The following ZNF165 variants were observed in gnomAD, a reference collection of about 807,000 sequenced individuals.
ZNF165 encodes cancer/testis antigen 53.
A neutral mutation model predicts 19.6 loss-of-function variants in ZNF165; 14 were observed. That is an observed-to-expected ratio of 0.71 (90% confidence interval 0.47 to 1.12). The LOEUF (loss-of-function observed/expected upper bound fraction) is 1.12, where lower values mean the gene tolerates loss of function less well. ZNF165 is among the 50% of genes most tolerant of loss of function. The pLI, the probability that ZNF165 is intolerant of heterozygous loss-of-function variation, is 0.00. For synonymous variants in ZNF165, 165 were observed against 195.0 expected (o/e 0.85, Z 1.28); for missense variants, 504 against 566.3 (o/e 0.89, Z 1.12).
At chr6:28,085,286 T>C (rs1764249207) in intron 1 of ZNF165, among the ~76,000 whole-genome samples, 195 bp from the exon 2 acceptor site, 1 of 152,242 alleles carries the variant, frequency 6.6e-6, no homozygotes, top group Non-Finnish European at 1.5e-5. Context: ...AGTTGTATTC[T>C]AGAAACCAAG....
intron 1 of ZNF165, among the ~76,000 whole-genome samples, chr6:28,082,378 T>C (rs1371613682): frequency 1.3e-5 from 2 of 151,954 alleles, no homozygotes; most frequent in African/African-American, 2.4e-5. Flanking sequence ...CACAGAAATA[T>C]AGAGTGTGGA....
chr6:28,085,023 C>CT (rs1764241018), intron 1 of ZNF165, among the ~76,000 whole-genome samples: 2 of 152,190 alleles, frequency 1.3e-5, no homozygotes, highest in Admixed American at 1.3e-4. Flanking sequence ...CTAGTCAAAT[C>CT]TTTTCTATTC....
chr6:28,086,699 A>G lies in ZNF165; in HGVS notation c.550+389A>G, dbSNP rs1390462585. Among the ~76,000 whole-genome samples, 3 of 151,514 alleles carry G rather than the reference A, an allele frequency of 2.0e-5. No individual in the cohort carries two copies. In the East Asian group the frequency reaches 5.8e-4, roughly 29 times the overall value. Reference sequence around the variant, plus strand: ...ACTCCAGCCTGGGCGACAGAGCAAGACTCCATCTCATAAAGGAAAAAAAAA... The same window carrying G: ...ACTCCAGCCTGGGCGACAGAGCAAGGCTCCATCTCATAAAGGAAAAAAAAA... On this transcript the variant is annotated intron_variant, in intron 3 of 3. Transcript: ENST00000683778.
Position 28,088,709 on chromosome 6 carries a change from G to T in ZNF165, c.697G>T (p.Val233Leu). ...SQDICKSAGR[V>L]KRQWEKESGE... ...AGACATCTGTAAGTCTGCAGGCAGG[G>T]TAAAGAGACAATGGGAAAAAGAATC... The change falls in exon 4 of 4, where the codon GTA (valine) becomes TTA (leucine). Residue 233 changes from valine to leucine, a missense_variant. Transcript: ENST00000683778. 1 of 1,614,150 alleles carries T rather than the reference G, an allele frequency of 6.2e-7. No individual in the cohort carries two copies. The highest frequency in any genetic ancestry group is 8.5e-7 in the Non-Finnish European group (1 of 1,180,022).
At chr6:28,088,485 G>A (rs906680460) in intron 3 of ZNF165, 78 bp from the exon 4 acceptor site, 2 of 1,218,172 alleles carry the variant, frequency 1.6e-6, no homozygotes, top group African/African-American at 3.0e-5. Context: ...ATATCAATAT[G>A]TAACTATCTT....
At position 28,087,045 on chromosome 6, in the gene ZNF165, G is replaced by A. The variant is rs375715895; in HGVS notation, c.550+735G>A. On this transcript the variant is annotated intron_variant, in intron 3 of 3. Transcript: ENST00000683778. Reference sequence around the variant, plus strand: ...CCGTGATCCATATTTTTCCTGTTATGCTCTTGGTCTTATAAAGCTCTTTTA... The same window carrying A: ...CCGTGATCCATATTTTTCCTGTTATACTCTTGGTCTTATAAAGCTCTTTTA... Among the ~76,000 whole-genome samples, 80 of 152,130 alleles carry A rather than the reference G, an allele frequency of 5.3e-4. No homozygotes were observed. In the South Asian group the frequency reaches 0.015, roughly 29 times the overall value.
chr6:28,088,249 G>A lies in ZNF165; in HGVS notation c.551-314G>A, dbSNP rs533766636. 2.6e-5 allele frequency among the ~76,000 whole-genome samples: 4 copies of A among 152,284 alleles called. No homozygotes were observed. The East Asian group carries it at 7.7e-4, about 29-fold the overall frequency. On this transcript the variant is annotated intron_variant, in intron 3 of 3. Coordinates refer to ENST00000683778, the MANE Select transcript of ZNF165 (RefSeq NM_001376491.1). Reference sequence around the variant, plus strand: ...CCCAAGGTTCCCAAGATCTGCTGCAGTCAACATTGTAGAGTTCCTTCTCCG... The same window carrying A: ...CCCAAGGTTCCCAAGATCTGCTGCAATCAACATTGTAGAGTTCCTTCTCCG...
Position 28,088,778 on chromosome 6 carries a change from G to A in ZNF165, c.766G>A (p.Gly256Ser), listed in dbSNP as rs1561798502. 6.2e-7 allele frequency: 1 copy of A among 1,614,022 alleles called. No individual in the cohort carries two copies. Among genetic ancestry groups the A allele is most frequent in the Admixed American group, 1.7e-5 (1 of 60,006 alleles). Residue 256 changes from glycine (G) to serine (S), a missense_variant, in exon 4 of 4, where the codon GGT (glycine) becomes AGT (serine). Transcript: ENST00000683778. ...RLSSAQDEGF[G>S]KILTHKNTVR... is the part of the protein sequence containing the mutation. Reference sequence around the variant, plus strand: ...CTCGTCTGCCCAGGATGAAGGTTTTGGTAAAATCCTCACCCACAAAAATAC... The same window carrying A: ...CTCGTCTGCCCAGGATGAAGGTTTTAGTAAAATCCTCACCCACAAAAATAC...
In ZNF165 at chr6:28,089,443, T is replaced by G. The variant is rs774548269; in HGVS notation, c.1431T>G (p.Ile477Met). 60 of 1,603,422 alleles carry G rather than the reference T, an allele frequency of 3.7e-5. No homozygotes were observed. Among genetic ancestry groups the G allele is most frequent in the Non-Finnish European group, 4.9e-5 (58 of 1,174,330 alleles). ...QSSNLSQHQR[I>M]HMRENLLM ...CAAACCTTAGTCAACACCAGAGAATTCACATGAGGGAAAACCTATTAATGT... is the reference window on the plus strand; with the variant it reads ...CAAACCTTAGTCAACACCAGAGAATGCACATGAGGGAAAACCTATTAATGT... Residue 477 changes from isoleucine (I) to methionine (M), a missense_variant, in exon 4 of 4, where the codon ATT (isoleucine) becomes ATG (methionine). Ile to Met is a conservative substitution (Grantham distance 10, BLOSUM62 1). Coordinates refer to ENST00000683778, the MANE Select transcript of ZNF165 (RefSeq NM_001376491.1).
At chr6:28,088,273 C>A (rs543269214) in intron 3 of ZNF165, among the ~76,000 whole-genome samples, 1 of 152,142 alleles carries the variant, frequency 6.6e-6, no homozygotes, top group Non-Finnish European at 1.5e-5. Context: ...GTTCCTTCTC[C>A]GTACTCTATC....
intron 3 of ZNF165, 138 bp downstream of exon 3, chr6:28,086,448 C>T (rs560946702): frequency 5.4e-5 from 69 of 1,274,144 alleles, no homozygotes; most frequent in East Asian, 2.3e-4. Context: ...TGGCCAGGTG[C>T]GGTGGCTCAC....
At chr6:28,088,496 G>T (rs1195863807) in intron 3 of ZNF165, 67 bp from the exon 4 acceptor site, 2 of 1,355,412 alleles carry the variant, frequency 1.5e-6, no homozygotes, top group Non-Finnish European at 2.0e-6. Flanking sequence ...TAACTATCTT[G>T]AGCATGCTAT....
At position 28,089,066 on chromosome 6, in the gene ZNF165, G is replaced by A; in HGVS notation, c.1054G>A (p.Ala352Thr). 1 of 1,614,166 alleles carries A rather than the reference G, an allele frequency of 6.2e-7. No individual in the cohort carries two copies. Among genetic ancestry groups the A allele is most frequent in the Non-Finnish European group, 8.5e-7 (1 of 1,180,014 alleles). The stretch of plus-strand genomic sequence containing the variant: ...TCATCAGTGTAATGAATGTGGGAAA[G>A]CTTTCAGGCACAGCTCAAAACTTGC... ...KTHQCNECGK[A>T]FRHSSKLARH... Residue 352 changes from alanine to threonine, a missense_variant, in exon 4 of 4, where the codon GCT (alanine) becomes ACT (threonine). Ala to Thr is a moderately conservative substitution (Grantham distance 58, BLOSUM62 0). Transcript: ENST00000683778.
At chr6:28,086,724 A>AG (rs997327517) in intron 3 of ZNF165, among the ~76,000 whole-genome samples, 2 of 152,126 alleles carry the variant, frequency 1.3e-5, no homozygotes, top group Admixed American at 6.5e-5. Flanking sequence ...GGAAAAAAAA[A>AG]AGAGAGAGAG....
intron 3 of ZNF165, 21 bp from the exon 4 acceptor site, chr6:28,088,542 T>C: frequency 1.3e-6 from 2 of 1,559,390 alleles, no homozygotes; most frequent in Non-Finnish European, 1.7e-6. Flanking sequence ...AGGTAATATT[T>C]CCCTTTCTTT....
upstream of ZNF165, among the ~76,000 whole-genome samples, chr6:28,080,430 T>A (rs1764125068): frequency 6.6e-6 from 1 of 151,892 alleles, no homozygotes; most frequent in Non-Finnish European, 1.5e-5. Flanking sequence ...CAAGCTGGAG[T>A]GCAGTGGCGC....
Position 28,089,263 on chromosome 6 carries a change from G to C in ZNF165, c.1251G>C (p.Arg417Ser). ...TCAACCTGAACTCACATCTTATCAG[G>C]CATCAGAGAATTCACACCAGAGAGA... ...RAFNLNSHLI[R>S]HQRIHTREKP... is the part of the protein sequence containing the mutation. The change falls in exon 4 of 4, where the codon AGG becomes AGC. Residue 417 changes from arginine to serine, a missense_variant. By Grantham distance (110) the Arg-to-Ser change is moderately radical (BLOSUM62 -1). Transcript: ENST00000683778. 1.2e-6 allele frequency: 2 copies of C among 1,614,130 alleles called. No homozygotes were observed. The highest frequency in any genetic ancestry group is 1.7e-6 in the Non-Finnish European group (2 of 1,180,020).
chr6:28,086,385 T>C (rs1221163147), intron 3 of ZNF165, 75 bp downstream of exon 3: 5 of 1,540,226 alleles, frequency 3.2e-6, no homozygotes, highest in Non-Finnish European at 4.4e-6. Flanking sequence ...AAACTAGTCT[T>C]GGTAACTGTA....
At chr6:28,081,682 A>G (rs1357675306) in intron 1 of ZNF165, among the ~76,000 whole-genome samples, 1 of 152,018 alleles carries the variant, frequency 6.6e-6, no homozygotes, top group Admixed American at 6.6e-5. Flanking sequence ...ATGTTCATCC[A>G]TCAGGAGCCC....
Sources: allele counts gnomAD v4.1 joint callset (sites outside exome capture counted in the v4.1 genomes callset), GRCh38; gene constraint gnomAD v4.1.1; transcripts MANE v1.5; gene names NCBI Gene and HGNC (gene_info 2026-07-23, HGNC 2026-07-21).